Variants in DCAF12 observed in about 807,000 individuals in gnomAD.
DCAF12 encodes the protein DDB1 and CUL4 associated factor 12, also known as DDB1- and CUL4-associated factor 12.
In DCAF12, 28 loss-of-function variants were observed where a neutral mutation model predicts 52.8. That is an observed-to-expected ratio of 0.53 (90% CI 0.39 to 0.73). The LOEUF (loss-of-function observed/expected upper bound fraction) is 0.73. Among genes scored for constraint, DCAF12 ranks in the 30% least tolerant of loss-of-function variants. The pLI, the probability that DCAF12 is intolerant of heterozygous loss-of-function variation, is 0.00. For missense variants in DCAF12, 425 were observed against 552.2 expected, an observed-to-expected ratio of 0.77 and a Z score of 2.31; for synonymous variants, 196 against 215.5, an observed-to-expected ratio of 0.91 and a Z score of 0.79.
intron 2 of DCAF12, 74 bp downstream of exon 2, chr9:34,124,949 A>G: frequency 4.5e-6 from 7 of 1,554,716 alleles, no homozygotes; most frequent in Non-Finnish European, 5.2e-6. Flanking sequence ...CGGGAAAACT[A>G]GCAGAGGTTC....
intron 2 of DCAF12, 42 bp from the exon 3 acceptor site, chr9:34,107,607 C>T (rs764791049): frequency 1.6e-5 from 25 of 1,572,950 alleles, no homozygotes; most frequent in Non-Finnish European, 2.0e-5. Flanking sequence ...ATAAATTTAA[C>T]GTGGCCAATA....
rs1828834856 is a variant in DCAF12, at chr9:34,101,891, C to T, written c.602-3374G>A. Among the ~76,000 whole-genome samples the T allele has an allele frequency of 2.0e-5, 3 of 151,694 alleles. 1 individual carries two copies. The highest frequency in any genetic ancestry group is 2.0e-4 in the Admixed American group (3 of 15,188). On this transcript the variant is annotated intron_variant, in intron 4 of 8. Coordinates refer to ENST00000361264, the MANE Select transcript of DCAF12 (RefSeq NM_015397.4). ...ATTAGCCAGGCGTGGTGGGGCACGC[C>T]TGTGGTCCCAGCTACTCAGGAGGCT...
chr9:34,095,679 G>A lies in DCAF12; in HGVS notation c.861+1037C>T, dbSNP rs1012027617. On this transcript the variant is annotated intron_variant, in intron 6 of 8. Coordinates refer to ENST00000361264, the MANE Select transcript of DCAF12 (RefSeq NM_015397.4). Reference sequence around the variant, plus strand: ...GTTGGGATTACAGGCCTAAGGTATTGTGCCCAACTGGATTTTGGAGCATTC... The same window carrying A: ...GTTGGGATTACAGGCCTAAGGTATTATGCCCAACTGGATTTTGGAGCATTC... Among the ~76,000 whole-genome samples the A allele has an allele frequency of 2.0e-5, 3 of 152,094 alleles. No individual in the cohort carries two copies. In the East Asian group the frequency reaches 5.8e-4, roughly 29 times the overall value.
Position 34,126,659 on chromosome 9 carries a change from T to C in DCAF12, c.-228A>G. 1.7e-6 allele frequency: 1 copy of C among 579,322 alleles called. No homozygotes were observed. 35.9% of individuals were successfully genotyped at this position (579,322 alleles called of 1,614,324 possible). A position where few individuals can be genotyped will look rare whatever the true frequency, so the allele number is the denominator to read the frequency against. Reference sequence around the variant, plus strand: ...AAGGGGAAGCGAGAATGAGCGGCTTTCCGACGGCAGAGCCTGCAAGGACGG... The same window carrying C: ...AAGGGGAAGCGAGAATGAGCGGCTTCCCGACGGCAGAGCCTGCAAGGACGG... On this transcript the variant is annotated 5_prime_UTR_variant, in exon 1 of 9. Transcript: ENST00000361264.
chr9:34,088,577 C>T (rs1828596156), intron 8 of DCAF12, 69 bp from the exon 9 acceptor site: 1 of 1,563,906 alleles, frequency 6.4e-7, no homozygotes, highest in Non-Finnish European at 8.8e-7. Context: ...GAGGAAGGGA[C>T]AGGAATGCTT....
At chr9:34,098,131 G>C (rs1452348892) in intron 5 of DCAF12, among the ~76,000 whole-genome samples, 193 bp downstream of exon 5, 2 of 152,132 alleles carry the variant, frequency 1.3e-5, no homozygotes, top group African/African-American at 4.8e-5. Flanking sequence ...AAATACTGCA[G>C]ACACCAATTG....
At chr9:34,095,864 T>A (rs541898368) in intron 6 of DCAF12, 1 of 152,282 alleles carries the variant, frequency 6.6e-6, no homozygotes, top group South Asian at 2.1e-4. Context: ...CAAGTAGTCA[T>A]CAATCTATAA....
At chr9:34,089,843 G>A (rs761810533) in intron 7 of DCAF12, 4 of 365,378 alleles carry the variant, frequency 1.1e-5, no homozygotes, top group South Asian at 7.4e-5. Context: ...TCAGATTCCC[G>A]ATGATGCTCA....
intron 2 of DCAF12, among the ~76,000 whole-genome samples, chr9:34,113,307 C>A (rs1274088193): frequency 6.6e-6 from 1 of 152,116 alleles, no homozygotes; most frequent in East Asian, 1.9e-4. Context: ...CTGCTTTGGC[C>A]TCCGAAAGTG....
intron 5 of DCAF12, among the ~76,000 whole-genome samples, 188 bp downstream of exon 5, chr9:34,098,136 C>G (rs1828767520): frequency 6.6e-6 from 1 of 152,032 alleles, no homozygotes; most frequent in African/African-American, 2.4e-5. Flanking sequence ...CTGCAGACAC[C>G]AATTGAAGGG....
At chr9:34,093,481 C>T (rs374048315) in intron 6 of DCAF12, 33 bp from the exon 7 acceptor site, 2 of 1,609,892 alleles carry the variant, frequency 1.2e-6, no homozygotes, top group Admixed American at 1.7e-5. Flanking sequence ...ACCATGGCAT[C>T]AGCAGAGAGG....
At chr9:34,118,040 G>A (rs1338857095) in intron 2 of DCAF12, among the ~76,000 whole-genome samples, 2 of 152,024 alleles carry the variant, frequency 1.3e-5, no homozygotes, top group African/African-American at 4.8e-5. Context: ...AAAATGAAAG[G>A]GGAAATAAAA....
intron 2 of DCAF12, among the ~76,000 whole-genome samples, chr9:34,120,145 G>A (rs1005312533): frequency 1.5e-5 from 2 of 133,096 alleles, no homozygotes; most frequent in Admixed American, 1.8e-4. Flanking sequence ...GGAGGTTGCA[G>A]TGAGCTGAAA....
intron 2 of DCAF12, among the ~76,000 whole-genome samples, chr9:34,122,338 C>G (rs1829187667): frequency 6.6e-6 from 1 of 152,194 alleles, no homozygotes; most frequent in South Asian, 2.1e-4. Context: ...ACATAAATGA[C>G]TGCCAAATCA....
intron 2 of DCAF12, 81 bp from the exon 3 acceptor site, chr9:34,107,646 G>C: frequency 8.2e-7 from 1 of 1,215,534 alleles, no homozygotes; most frequent in South Asian, 1.3e-5. Context: ...TTGTTCAACT[G>C]TTCATCAACA....
At chr9:34,093,868 A>C (rs1256575641) in intron 6 of DCAF12, 1 of 183,536 alleles carries the variant, frequency 5.4e-6, no homozygotes, top group Admixed American at 5.4e-5. Context: ...GGCTACCCCC[A>C]GCTCACCTTC....
chr9:34,106,636 C>G, intron 3 of DCAF12, 142 bp from the exon 4 acceptor site: 1 of 634,800 alleles, frequency 1.6e-6, no homozygotes, highest in Non-Finnish European at 2.7e-6. Flanking sequence ...CTGGTGGTCT[C>G]AACCCACAGA....
intron 2 of DCAF12, 55 bp from the exon 3 acceptor site, chr9:34,107,620 G>T: frequency 6.9e-7 from 1 of 1,454,434 alleles, no homozygotes; most frequent in Non-Finnish European, 9.6e-7. Flanking sequence ...GGCCAATACA[G>T]GGTATAAACA....
chr9:34,090,333 T>C (rs1203447869), intron 7 of DCAF12, among the ~76,000 whole-genome samples: 1 of 151,944 alleles, frequency 6.6e-6, no homozygotes, highest in Admixed American at 6.6e-5. Context: ...GTGCTGGGAT[T>C]ATAGGCATGA....
Sources: allele counts gnomAD v4.1 joint callset (sites outside exome capture counted in the v4.1 genomes callset), GRCh38; gene constraint gnomAD v4.1.1; transcripts MANE v1.5; gene names NCBI Gene and HGNC (gene_info 2026-07-23, HGNC 2026-07-21).